The following RBFOX2 variants were observed in gnomAD, a reference collection of about 807,000 sequenced individuals.
RBFOX2 encodes RNA binding fox-1 homolog 2, also known as RNA binding protein fox-1 homolog 2.
In RBFOX2, 10 loss-of-function variants were observed where a neutral mutation model predicts 49.1. The observed-to-expected ratio is 0.20, with a 90% CI of 0.13 to 0.35. The LOEUF is 0.35. RBFOX2 is among the 10% of genes least tolerant of loss of function. The pLI is 1.00. For missense variants in RBFOX2, 323 were observed against 486.9 expected, an observed-to-expected ratio of 0.66 and a Z score of 3.17; for synonymous variants, 183 against 187.4, an observed-to-expected ratio of 0.98 and a Z score of 0.19.
intron 1 of RBFOX2, among the ~76,000 whole-genome samples, chr22:35,958,402 T>C (rs1251681934): frequency 6.6e-6 from 1 of 152,210 alleles, no homozygotes; most frequent in Non-Finnish European, 1.5e-5. Flanking sequence ...ACTATTATTG[T>C]AACAATTTTT....
intron 1 of RBFOX2, among the ~76,000 whole-genome samples, chr22:35,866,417 T>G (rs1222239119): frequency 6.6e-6 from 1 of 152,208 alleles, no homozygotes; most frequent in African/African-American, 2.4e-5. Flanking sequence ...TATTTATGCA[T>G]TAATTTACAC....
intron 1 of RBFOX2, 57 bp from the exon 3 acceptor site, chr22:35,810,061 T>C: frequency 1.3e-6 from 2 of 1,529,174 alleles, no homozygotes; most frequent in Non-Finnish European, 1.8e-6. Flanking sequence ...TACGTAACTA[T>C]TTTTAAAGTG....
chr22:35,977,722 C>CTATAGATATATATATATATATA (rs1289842750), intron 1 of RBFOX2, among the ~76,000 whole-genome samples: 1 of 80,842 alleles, frequency 1.2e-5, no homozygotes, highest in African/African-American at 4.8e-5. Context: ...CCTGAATGAA[C>CTATAGATATATATATATATATA]TATATATATA....
intron 1 of RBFOX2, 103 bp downstream of exon 1, chr22:36,028,137 C>T: frequency 3.8e-6 from 5 of 1,321,064 alleles, no homozygotes; most frequent in Non-Finnish European, 4.8e-6. Context: ...CCACCTCCAA[C>T]CCAGGACTCC....
rs932455568 is a variant in RBFOX2 at position 35,831,216 on chromosome 22, G to A, written c.27+8976C>T. ...CCCAGCACTTTGGGAGGCCGAGGTG[G>A]GCAGATCACAAGGTCAGGAGATCGA... On this transcript the variant is annotated intron_variant, in intron 1 of 11. Transcript: ENST00000405409. Among the ~76,000 whole-genome samples the A allele has an allele frequency of 2.6e-5, 4 of 152,240 alleles. No individual in the cohort carries two copies. The South Asian group carries it at 8.3e-4, about 32-fold the overall frequency.
At chr22:35,764,036 T>C (rs910131235) in intron 6 of RBFOX2, among the ~76,000 whole-genome samples, 18 of 152,198 alleles carry the variant, frequency 1.2e-4, no homozygotes, top group Non-Finnish European at 1.3e-4. Flanking sequence ...TTATCAAAAT[T>C]GTAGAGACTT....
chr22:35,922,865 C>T (rs1226744006), intron 1 of RBFOX2, among the ~76,000 whole-genome samples: 3 of 152,186 alleles, frequency 2.0e-5, no homozygotes, highest in African/African-American at 7.2e-5. Context: ...CTAACAGAGA[C>T]CATATGGCCC....
intron 4 of RBFOX2, among the ~76,000 whole-genome samples, chr22:35,771,557 A>C (rs1942676318): frequency 6.6e-6 from 1 of 152,180 alleles, no homozygotes. Flanking sequence ...ATCTGTTCAG[A>C]AGTCATAGGG....
chr22:35,828,760 C>T (rs1956243920), intron 1 of RBFOX2, among the ~76,000 whole-genome samples: 1 of 152,086 alleles, frequency 6.6e-6, no homozygotes, highest in Non-Finnish European at 1.5e-5. Flanking sequence ...GCTTAAAAAA[C>T]AAGACCTGAG....
intron 2 of RBFOX2, among the ~76,000 whole-genome samples, chr22:35,791,573 A>G (rs925447579): frequency 1.3e-5 from 2 of 152,230 alleles, no homozygotes. Flanking sequence ...AAGTACATTC[A>G]TTTCAAATTA....
intron 1 of RBFOX2, among the ~76,000 whole-genome samples, chr22:35,810,445 A>AAG (rs1176382207): frequency 1.3e-5 from 2 of 152,172 alleles, no homozygotes; most frequent in Admixed American, 6.5e-5. Context: ...AGCAAAAGGT[A>AAG]AGAGAGATGC....
chr22:35,835,281 C>A (rs569594797), intron 1 of RBFOX2, among the ~76,000 whole-genome samples: 1 of 152,000 alleles, frequency 6.6e-6, no homozygotes, highest in African/African-American at 2.4e-5. Context: ...GAATGGTATA[C>A]CAGAAGGAGA....
chr22:35,795,821 T>A (rs1223047937), intron 2 of RBFOX2, among the ~76,000 whole-genome samples: 2 of 152,080 alleles, frequency 1.3e-5, no homozygotes, highest in Non-Finnish European at 2.9e-5. Flanking sequence ...GAGTATAAAA[T>A]TCCAAATTCT....
At chr22:36,014,651 T>G (rs1257819053) in intron 1 of RBFOX2, among the ~76,000 whole-genome samples, 1 of 152,048 alleles carries the variant, frequency 6.6e-6, no homozygotes, top group Non-Finnish European at 1.5e-5. Flanking sequence ...AATAAGGGAT[T>G]CTTAAAATAA....
At chr22:36,022,326 A>C (rs971277325) in intron 1 of RBFOX2, among the ~76,000 whole-genome samples, 2 of 152,196 alleles carry the variant, frequency 1.3e-5, no homozygotes, top group African/African-American at 4.8e-5. Flanking sequence ...GCAAAATGAA[A>C]GTTAAATTTC....
intron 1 of RBFOX2, among the ~76,000 whole-genome samples, chr22:35,869,283 T>C (rs767907171): frequency 3.3e-5 from 5 of 151,650 alleles, no homozygotes; most frequent in African/African-American, 7.3e-5. Context: ...TCAGCCTCCC[T>C]AGTAGCTGGG....
chr22:35,760,144 A>G, intron 8 of RBFOX2, 124 bp from the exon 10 acceptor site: 2 of 1,292,302 alleles, frequency 1.5e-6, no homozygotes, highest in Non-Finnish European at 2.2e-6. Context: ...CTTTTTGGAA[A>G]AGGTGGCATG....
intron 1 of RBFOX2, among the ~76,000 whole-genome samples, chr22:35,814,594 C>T (rs928005667): frequency 2.7e-5 from 4 of 150,342 alleles, no homozygotes; most frequent in Non-Finnish European, 3.0e-5. Context: ...GCCTGTAGTC[C>T]CAGTTGCTCA....
At chr22:35,844,186 A>G (rs1375832459), upstream of RBFOX2, among the ~76,000 whole-genome samples, 1 of 152,156 alleles carries the variant, frequency 6.6e-6, no homozygotes, top group Non-Finnish European at 1.5e-5. Flanking sequence ...ACTTTACCTT[A>G]GCACCTAATC....
Sources: allele counts gnomAD v4.1 joint callset (sites outside exome capture counted in the v4.1 genomes callset), GRCh38; gene constraint gnomAD v4.1.1; transcripts MANE v1.5; gene names NCBI Gene and HGNC (gene_info 2026-07-23, HGNC 2026-07-21).